CRHR2: variants seen among roughly 807,000 people sequenced by gnomAD.
The protein encoded by CRHR2 is corticotropin releasing hormone receptor 2, also known as corticotropin-releasing hormone receptor 2.
CRHR2 carries 53 observed loss-of-function variants against 57.9 expected under a neutral mutation model. That is an observed-to-expected ratio of 0.92 (90% CI 0.73 to 1.15). The LOEUF (loss-of-function observed/expected upper bound fraction) is 1.15. CRHR2 is among the 50% of genes most tolerant of loss of function. The pLI, the probability that CRHR2 is intolerant of heterozygous loss-of-function variation, is 0.00. For synonymous variants in CRHR2, 213 were observed against 220.9 expected (o/e 0.96, Z 0.32); for missense variants, 532 against 542.6 (o/e 0.98, Z 0.19).
At chr7:30,700,039 T>C (rs1305953071) in exon 1 of CRHR2, 6 of 1,398,176 alleles carry the variant, frequency 4.3e-6, no homozygotes, top group East Asian at 3.0e-5. Flanking sequence ...CTCATGCCAG[T>C]AGTGGCTGGG....
chr7:30,655,728 G>A lies in CRHR2; in HGVS notation c.918-13C>T. On this transcript the variant is annotated splice_polypyrimidine_tract_variant and intron_variant, in intron 9 of 11. Coordinates refer to ENST00000471646, the MANE Select transcript of CRHR2 (RefSeq NM_001883.5). ...CTTCACTGCCTTCCTGGGGGCGAGA[G>A]GTGGACACAGGTCTGAGCCCATGCG... is the stretch of plus-strand genomic sequence containing the variant. The A allele has an allele frequency of 6.2e-7, 1 of 1,611,920 alleles. No individual in the cohort carries two copies. Among genetic ancestry groups the A allele is most frequent in the South Asian group, 1.1e-5 (1 of 90,764 alleles).
chr7:30,686,639 A>C, upstream of CRHR2: 4 of 882,526 alleles, frequency 4.5e-6, no homozygotes, highest in Non-Finnish European at 7.1e-6. Context: ...TAAAAAATAA[A>C]TAAATAGTCC....
At chr7:30,654,652 G>A (rs1783708617) in intron 11 of CRHR2, 12 of 1,523,248 alleles carry the variant, frequency 7.9e-6, no homozygotes, top group South Asian at 2.4e-5. Context: ...GGCAGGTAGC[G>A]GGGGAATGTG....
chr7:30,655,840 G>A (rs1783764062), intron 9 of CRHR2, 87 bp downstream of exon 9: 1 of 1,588,636 alleles, frequency 6.3e-7, no homozygotes, highest in Non-Finnish European at 8.6e-7. Context: ...GTGAGGCCTG[G>A]GGCAGAGGGC....
chr7:30,697,333 TAGTC>T (rs1359175290), intron 1 of CRHR2, among the ~76,000 whole-genome samples: 1 of 152,184 alleles, frequency 6.6e-6, no homozygotes, highest in Non-Finnish European at 1.5e-5. Context: ...GAGCTGGACT[TAGTC>T]AGCAGGGGCT....
At chr7:30,663,120 G>A (rs1193496811) in intron 5 of CRHR2, among the ~76,000 whole-genome samples, 1 of 152,178 alleles carries the variant, frequency 6.6e-6, no homozygotes, top group Non-Finnish European at 1.5e-5. Flanking sequence ...AGTAAAGAGA[G>A]CAAGAGTCTG....
chr7:30,672,044 C>T (rs764765058), intron 2 of CRHR2, among the ~76,000 whole-genome samples: 2 of 152,212 alleles, frequency 1.3e-5, no homozygotes, highest in African/African-American at 2.4e-5. Flanking sequence ...CAGCACAACT[C>T]CATTCTTCAT....
chr7:30,673,469 CA>C (rs1447280158), intron 2 of CRHR2, among the ~76,000 whole-genome samples: 2 of 152,196 alleles, frequency 1.3e-5, no homozygotes, highest in African/African-American at 4.8e-5. Flanking sequence ...CCTCCTGCCT[CA>C]GCCTCCCAAA....
At chr7:30,659,185 A>G (rs555273302) in intron 8 of CRHR2, among the ~76,000 whole-genome samples, 1 of 152,360 alleles carries the variant, frequency 6.6e-6, no homozygotes, top group South Asian at 2.1e-4. Flanking sequence ...GCTGGGCCCA[A>G]AGGAAAGAAG....
intron 7 of CRHR2, among the ~76,000 whole-genome samples, chr7:30,661,237 A>C (rs1021791483): frequency 6.6e-6 from 1 of 152,182 alleles, no homozygotes; most frequent in African/African-American, 2.4e-5. Flanking sequence ...GAAATGCTTT[A>C]GGGTCTGGGT....
At chr7:30,682,536 G>C, upstream of CRHR2, 4 of 1,249,208 alleles carry the variant, frequency 3.2e-6, no homozygotes, top group Middle Eastern at 3.1e-4. Context: ...GGCTGCGCCG[G>C]GGGGCGGGGC....
intron 1 of CRHR2, among the ~76,000 whole-genome samples, chr7:30,698,903 C>A (rs1350252623): frequency 6.6e-6 from 1 of 152,206 alleles, no homozygotes; most frequent in Non-Finnish European, 1.5e-5. Flanking sequence ...ATTTGAGTAA[C>A]CTGTCCAAGG....
At chr7:30,677,369 G>A (rs1784550403) in intron 2 of CRHR2, among the ~76,000 whole-genome samples, 2 of 152,148 alleles carry the variant, frequency 1.3e-5, no homozygotes, top group African/African-American at 4.8e-5. Flanking sequence ...TGTGGAATGG[G>A]GAGAGGTGGG....
chr7:30,662,640 G>T, intron 6 of CRHR2, 54 bp downstream of exon 6: 3 of 1,583,892 alleles, frequency 1.9e-6, no homozygotes, highest in Non-Finnish European at 2.6e-6. Flanking sequence ...AAGGGAAATG[G>T]CCTGGTGAGA....
Position 30,665,548 on chromosome 7 carries a change from A to T in CRHR2, c.407T>A (p.Leu136Gln), listed in dbSNP as rs1784155274. ...VSVAALVAAF[L>Q]LFLALRSIRC... ...GACTCACCGCAGGGCCAGGAAAAGC[A>T]GGAAGGCGGCCACCAGGGCTGCCAC... The change falls in exon 4 of 12, where the codon CTG becomes CAG. Residue 136 changes from leucine to glutamine, a missense_variant. Physicochemically the swap from Leu to Gln is moderately radical, Grantham distance 113 (BLOSUM62 -2). Transcript: ENST00000471646. The surrounding 1 kb of genome is among the most constrained non-coding windows in gnomAD (Gnocchi z 4.5). The T allele has an allele frequency of 6.4e-7, 1 of 1,561,066 alleles. No individual in the cohort carries two copies. The highest frequency in any genetic ancestry group is 8.7e-7 in the Non-Finnish European group (1 of 1,151,928).
intron 5 of CRHR2, among the ~76,000 whole-genome samples, chr7:30,663,667 G>A (rs1020208306): frequency 6.6e-6 from 1 of 152,224 alleles, no homozygotes; most frequent in Non-Finnish European, 1.5e-5. Flanking sequence ...GGAAGACCCT[G>A]CCCCTTTAGA....
chr7:30,661,784 G>A (rs1170776244), intron 7 of CRHR2, among the ~76,000 whole-genome samples: 2 of 152,178 alleles, frequency 1.3e-5, no homozygotes, highest in African/African-American at 4.8e-5. Context: ...AATGCTCATG[G>A]ACTCTTTAAA....
At chr7:30,696,613 A>C (rs1285916672) in intron 1 of CRHR2, among the ~76,000 whole-genome samples, 1 of 152,088 alleles carries the variant, frequency 6.6e-6, no homozygotes, top group Non-Finnish European at 1.5e-5. Flanking sequence ...AGTCCTGGCT[A>C]CTCAGGAGGC....
intron 2 of CRHR2, among the ~76,000 whole-genome samples, chr7:30,680,153 A>G (rs1206943992): frequency 2.7e-5 from 3 of 109,748 alleles, no homozygotes; most frequent in Non-Finnish European, 3.8e-5. Flanking sequence ...CCCCGCCCCC[A>G]CACCCCAATC....
Sources: allele counts gnomAD v4.1 joint callset (sites outside exome capture counted in the v4.1 genomes callset), GRCh38; gene constraint gnomAD v4.1.1; non-coding constraint Gnocchi (gnomAD v3.1); transcripts MANE v1.5; gene names NCBI Gene and HGNC (gene_info 2026-07-23, HGNC 2026-07-21).